Variants in TENM1 observed in about 807,000 individuals in gnomAD.
TENM1 encodes teneurin-1.
TENM1 carries 35 observed loss-of-function variants against 174.8 expected under a neutral mutation model. The ratio of observed to expected loss-of-function variants is 0.20; its 90% confidence interval spans 0.15 to 0.27. TENM1 has a LOEUF of 0.27. TENM1 is among the 10% of genes least tolerant of loss of function. TENM1 has a pLI of 1.00. For synonymous variants in TENM1, 781 were observed against 798.7 expected (o/e 0.98, Z 0.37); for missense variants, 1,633 against 2,130.1 (o/e 0.77, Z 4.59).
the TENM1 span, among the ~76,000 whole-genome samples, chrX:124,997,568 C>T: frequency 8.9e-6 from 1 of 111,780 alleles, no homozygotes; most frequent in African/African-American, 3.2e-5. Context: ...CAGAACATTA[C>T]TCTGCAGAGA....
At chrX:125,097,253 T>C in the TENM1 span, among the ~76,000 whole-genome samples, 1 of 111,955 alleles carries the variant, frequency 8.9e-6, no homozygotes, top group Non-Finnish European at 1.9e-5. Context: ...TCCTTTTTTT[T>C]TAACCCCTTT....
chrX:124,701,707 T>A (rs2148488965), intron 5 of TENM1, among the ~76,000 whole-genome samples: 1 of 112,309 alleles, frequency 8.9e-6, no homozygotes, highest in Non-Finnish European at 1.9e-5. Context: ...TCCATGCCTC[T>A]CTTCACCAAC....
At position 124,935,602 on chromosome X, in the gene TENM1, G is replaced by A. The variant is rs780826143; in HGVS notation, c.217+27935C>T. ...TCCCAGTGCCTAGCACAATACCTGC[G>A]ACATAGCAGAGACCCAACAAATGTT... On this transcript the variant is annotated intron_variant, in intron 1 of 31. Transcript: ENST00000422452. Among the ~76,000 whole-genome samples, 6 of 112,326 alleles carry A rather than the reference G, an allele frequency of 5.3e-5. No individual in the cohort carries two copies. In the South Asian group the frequency reaches 1.1e-3, roughly 20 times the overall value.
chrX:124,839,276 C>G (rs1454910795), intron 3 of TENM1, among the ~76,000 whole-genome samples: 1 of 111,389 alleles, frequency 9.0e-6, no homozygotes, highest in African/African-American at 3.3e-5. Flanking sequence ...TAACATTATA[C>G]TATACATGCA....
the TENM1 span, among the ~76,000 whole-genome samples, chrX:125,041,417 C>T: frequency 0.22 from 24,217 of 110,557 alleles, 2,478 homozygotes; most frequent in African/African-American, 0.4. Context: ...TAAGCTTCCA[C>T]AGAACCAGTA....
intron 1 of TENM1, among the ~76,000 whole-genome samples, chrX:124,918,854 T>A (rs917609728): frequency 3.6e-5 from 4 of 111,678 alleles, no homozygotes; most frequent in Non-Finnish European, 7.5e-5. Flanking sequence ...GGCAATTTTT[T>A]AAAAAATGGA....
intron 21 of TENM1, among the ~76,000 whole-genome samples, chrX:124,483,813 A>G (rs748268154): frequency 1.2e-4 from 14 of 112,298 alleles, no homozygotes; most frequent in Middle Eastern, 4.6e-3. Context: ...TATGACTACC[A>G]TGAGTCCAAG....
At chrX:124,526,185 A>T (rs944498647) in intron 16 of TENM1, among the ~76,000 whole-genome samples, 1 of 111,628 alleles carries the variant, frequency 9.0e-6, no homozygotes, top group Non-Finnish European at 1.9e-5. Flanking sequence ...AAAGGAGATG[A>T]TCCTTGATAA....
intron 25 of TENM1, among the ~76,000 whole-genome samples, chrX:124,418,934 G>C (rs2060621916): frequency 9.0e-6 from 1 of 111,724 alleles, no homozygotes; most frequent in Non-Finnish European, 1.9e-5. Flanking sequence ...TGTGAATCAG[G>C]ACAAGTTAAC....
the TENM1 span, among the ~76,000 whole-genome samples, chrX:125,178,125 T>C: frequency 9.0e-6 from 1 of 111,377 alleles, no homozygotes; most frequent in East Asian, 2.8e-4. Flanking sequence ...CAAAGGAGAA[T>C]GAATGATACA....
At chrX:125,100,541 T>C in the TENM1 span, among the ~76,000 whole-genome samples, 1 of 112,273 alleles carries the variant, frequency 8.9e-6, no homozygotes, top group Non-Finnish European at 1.9e-5. Flanking sequence ...GCCTTAATGT[T>C]GTACTACCCA....
chrX:124,416,990 G>A (rs779127884), intron 25 of TENM1, among the ~76,000 whole-genome samples: 4 of 111,755 alleles, frequency 3.6e-5, no homozygotes, highest in Non-Finnish European at 7.5e-5. Context: ...CACTGACTCT[G>A]CTGGCATCTT....
the TENM1 span, among the ~76,000 whole-genome samples, chrX:125,019,028 G>T: frequency 8.9e-6 from 1 of 111,766 alleles, no homozygotes; most frequent in Non-Finnish European, 1.9e-5. Flanking sequence ...TCTGTGAATG[G>T]AAAATGAAAA....
intron 11 of TENM1, among the ~76,000 whole-genome samples, chrX:124,627,501 T>C (rs919188532): frequency 8.9e-6 from 1 of 111,802 alleles, no homozygotes; most frequent in African/African-American, 3.3e-5. Context: ...CCAGGCTCCG[T>C]GGCAGTTACA....
chrX:124,916,099 A>C (rs1778116977), intron 1 of TENM1, among the ~76,000 whole-genome samples: 1 of 111,463 alleles, frequency 9.0e-6, no homozygotes, highest in African/African-American at 3.3e-5. Flanking sequence ...TCCCCCAGTG[A>C]CCATCTACAT....
At chrX:124,698,746 T>C (rs2052707032) in intron 5 of TENM1, among the ~76,000 whole-genome samples, 1 of 111,555 alleles carries the variant, frequency 9.0e-6, no homozygotes, top group African/African-American at 3.3e-5. Flanking sequence ...CTGCCACCTT[T>C]CTGTATCTTT....
chrX:125,076,675 T>A, the TENM1 span, among the ~76,000 whole-genome samples: 1 of 111,718 alleles, frequency 9.0e-6, no homozygotes, highest in African/African-American at 3.3e-5. Flanking sequence ...TCTTGAATCA[T>A]CTTCTCTATA....
At chrX:124,763,949 G>T (rs2054480510) in intron 3 of TENM1, among the ~76,000 whole-genome samples, 1 of 112,119 alleles carries the variant, frequency 8.9e-6, no homozygotes, top group Non-Finnish European at 1.9e-5. Context: ...ACTGTTGCTG[G>T]TACATCTTGA....
In TENM1 at chrX:124,708,252, T is replaced by TA. The variant is rs774540300; in HGVS notation, c.777-3002dup. ...CAAAAGCATATGTATTTAAAGGGAT[T>TA]AAAAAAACCCTATATGAATGTTAAT... On this transcript the variant is annotated intron_variant, in intron 4 of 31. Transcript: ENST00000422452. 8.1e-5 allele frequency among the ~76,000 whole-genome samples: 9 copies of TA among 111,793 alleles called. No individual in the cohort carries two copies. The East Asian group carries it at 2.2e-3, about 28-fold the overall frequency.
Sources: gnomAD v4.1 joint callset for allele counts (sites outside exome capture counted in the v4.1 genomes callset) on GRCh38, gnomAD v4.1.1 for gene constraint, MANE v1.5 for transcripts, NCBI Gene and HGNC (gene_info 2026-07-23, HGNC 2026-07-21) for gene names.